BMP6: variants seen among roughly 807,000 people sequenced by gnomAD.
BMP6 encodes the protein bone morphogenetic protein 6, also known as VG-1-R.
BMP6 carries 17 observed loss-of-function variants against 54.1 expected under a neutral mutation model. That is an observed-to-expected ratio of 0.31 (90% CI 0.22 to 0.47). The LOEUF (loss-of-function observed/expected upper bound fraction) is 0.47. Among genes scored for constraint, BMP6 ranks in the 20% least tolerant of loss-of-function variants. The probability of loss-of-function intolerance (pLI) is 1.00; values close to 1 mark genes in which losing one functional copy is unlikely to be tolerated. For missense variants in BMP6, 720 were observed against 690.4 expected, an observed-to-expected ratio of 1.04 and a Z score of -0.48; for synonymous variants, 328 against 291.2, an observed-to-expected ratio of 1.13 and a Z score of -1.28.
chr6:7,813,086 C>CAAAAAAAA lies in BMP6; in HGVS notation c.665-32038_665-32031dup, dbSNP rs61656035. 3.9e-3 allele frequency among the ~76,000 whole-genome samples: 17 copies of CAAAAAAAA among 4,388 alleles called. 5 individuals are homozygous for CAAAAAAAA. Among genetic ancestry groups the CAAAAAAAA allele is most frequent in the East Asian group, 0.1 (2 of 20 alleles). The allele number at this position is 4,388 out of a possible 152,430, so 2.9% of individuals were successfully genotyped here. A position where few individuals can be genotyped will look rare whatever the true frequency, so the allele number is the denominator to read the frequency against. ...GCAACATGGCAAAGCCCTGTCTCTA[C>CAAAAAAAA]AAAAAAAAAAAAAAAAAAAAAAATA... On this transcript the variant is annotated intron_variant, in intron 1 of 6. Transcript: ENST00000283147.
In BMP6 at chr6:7,805,970, C is replaced by T. The variant is rs1356165605; in HGVS notation, c.665-39170C>T. ...GCAGCCACATTCAGGCTCATTACTG[C>T]TGAAGTGTGAAGTGTCCACTTGGAA... On this transcript the variant is annotated intron_variant, in intron 1 of 6. Transcript: ENST00000283147. Among the ~76,000 whole-genome samples the T allele has an allele frequency of 2.0e-5, 3 of 152,322 alleles. No homozygotes were observed. In the East Asian group the frequency reaches 5.8e-4, roughly 29 times the overall value.
intron 1 of BMP6, among the ~76,000 whole-genome samples, chr6:7,802,011 A>C (rs1206778025): frequency 6.6e-6 from 1 of 152,186 alleles, no homozygotes; most frequent in Non-Finnish European, 1.5e-5. Context: ...CCCCAGCCAG[A>C]CAGAGATCCA....
At chr6:7,777,190 CT>C (rs1264953950) in intron 1 of BMP6, among the ~76,000 whole-genome samples, 2 of 152,174 alleles carry the variant, frequency 1.3e-5, no homozygotes. Context: ...CCTTCTGGAT[CT>C]GTGCATGTGG....
At chr6:7,740,832 C>T (rs1238120235) in intron 1 of BMP6, among the ~76,000 whole-genome samples, 2 of 152,184 alleles carry the variant, frequency 1.3e-5, no homozygotes, top group East Asian at 1.9e-4. Flanking sequence ...TTCCATCTAT[C>T]CCTAAGTTCC....
intron 1 of BMP6, among the ~76,000 whole-genome samples, chr6:7,773,663 A>G (rs1757821858): frequency 6.6e-6 from 1 of 152,242 alleles, no homozygotes; most frequent in Non-Finnish European, 1.5e-5. Context: ...AAAAATGTGA[A>G]CAATGGTTAA....
intron 1 of BMP6, among the ~76,000 whole-genome samples, chr6:7,775,548 A>AG (rs1227923610): frequency 2.0e-5 from 3 of 152,214 alleles, no homozygotes; most frequent in African/African-American, 7.2e-5. Context: ...TAATGTTTGT[A>AG]ATTATCTCCT....
intron 1 of BMP6, among the ~76,000 whole-genome samples, chr6:7,780,422 C>G (rs534789738): frequency 6.6e-6 from 1 of 151,948 alleles, no homozygotes; most frequent in East Asian, 1.9e-4. Flanking sequence ...GGTGGCTGGC[C>G]CCTGTAATCC....
chr6:7,769,896 A>T (rs1207302639), intron 1 of BMP6, among the ~76,000 whole-genome samples: 1 of 152,226 alleles, frequency 6.6e-6, no homozygotes, highest in Non-Finnish European at 1.5e-5. Flanking sequence ...CCTTGAAAAC[A>T]GTGACTTGTG....
intron 1 of BMP6, among the ~76,000 whole-genome samples, chr6:7,789,025 A>G (rs1009509794): frequency 2.0e-5 from 3 of 152,196 alleles, no homozygotes; most frequent in Non-Finnish European, 4.4e-5. Context: ...TATGTGTTTA[A>G]GGTATACAAC....
chr6:7,770,442 T>G (rs913262248), intron 1 of BMP6, among the ~76,000 whole-genome samples: 1 of 152,152 alleles, frequency 6.6e-6, no homozygotes, highest in Admixed American at 6.5e-5. Context: ...CCGGTAAAGA[T>G]TGCATAGTCT....
chr6:7,801,175 C>T (rs1362272105), intron 1 of BMP6, among the ~76,000 whole-genome samples: 2 of 152,328 alleles, frequency 1.3e-5, no homozygotes, highest in East Asian at 1.9e-4. Flanking sequence ...GGCTTGGCAT[C>T]AACTTTTTAA....
intron 1 of BMP6, among the ~76,000 whole-genome samples, chr6:7,740,771 G>C (rs796543143): frequency 7.9e-5 from 12 of 152,246 alleles, no homozygotes; most frequent in African/African-American, 2.9e-4. Context: ...CAGTTGCCAG[G>C]CTTAGTGATC....
At chr6:7,802,563 G>A (rs1758284840) in intron 1 of BMP6, among the ~76,000 whole-genome samples, 1 of 152,176 alleles carries the variant, frequency 6.6e-6, no homozygotes, top group South Asian at 2.1e-4. Context: ...ATTTGTGGCG[G>A]GATTGAGTGA....
At chr6:7,858,845 G>A (rs1759289523) in intron 2 of BMP6, among the ~76,000 whole-genome samples, 3 of 150,274 alleles carry the variant, frequency 2.0e-5, no homozygotes, top group South Asian at 4.3e-4. Flanking sequence ...CGCTGCCATA[G>A]GACCACATAG....
chr6:7,828,578 G>C (rs913689570), intron 1 of BMP6, among the ~76,000 whole-genome samples: 5 of 152,240 alleles, frequency 3.3e-5, no homozygotes, highest in Non-Finnish European at 7.3e-5. Context: ...AGGCCAGCCA[G>C]CTCTTGAGAA....
intron 1 of BMP6, among the ~76,000 whole-genome samples, chr6:7,738,812 A>T (rs985057040): frequency 3.3e-5 from 5 of 152,240 alleles, no homozygotes; most frequent in Non-Finnish European, 5.9e-5. Context: ...GAAGATGGTG[A>T]ACACATTCTG....
chr6:7,745,717 T>A (rs137909913), intron 1 of BMP6, among the ~76,000 whole-genome samples: 168 of 151,586 alleles, frequency 1.1e-3, no homozygotes, highest in African/African-American at 4.0e-3. Flanking sequence ...AGGATACAAA[T>A]GACAGGAAGA....
At chr6:7,815,431 A>T (rs1758510756) in intron 1 of BMP6, among the ~76,000 whole-genome samples, 1 of 152,228 alleles carries the variant, frequency 6.6e-6, no homozygotes, top group Non-Finnish European at 1.5e-5. Context: ...TAGGATAATA[A>T]TTGGGATTGA....
intron 1 of BMP6, among the ~76,000 whole-genome samples, chr6:7,817,579 T>TG (rs1196704961): frequency 1.1e-4 from 2 of 18,234 alleles, no homozygotes. Context: ...TGTCGTGGCG[T>TG]GGGGGGTGGG....
Sources: gnomAD v4.1 joint callset for allele counts (sites outside exome capture counted in the v4.1 genomes callset) on GRCh38, gnomAD v4.1.1 for gene constraint, MANE v1.5 for transcripts, NCBI Gene and HGNC (gene_info 2026-07-23, HGNC 2026-07-21) for gene names.